The following SLC9B1 variants were observed in gnomAD, a reference collection of about 807,000 sequenced individuals.
SLC9B1 encodes sodium/hydrogen exchanger 9B1.
Under a neutral mutation model 51.7 loss-of-function variants are expected in SLC9B1, and 32 were observed. The ratio of observed to expected loss-of-function variants is 0.62; its 90% CI spans 0.47 to 0.83. The LOEUF is 0.83. SLC9B1 is among the 40% of genes least tolerant of loss of function. SLC9B1 has a pLI of 0.00. For missense variants in SLC9B1, 406 were observed against 613.2 expected (o/e 0.66, Z 3.57); for synonymous variants, 145 against 212.7 (o/e 0.68, Z 2.77).
chr4:103,006,628 C>T (rs1183778005), intron 1 of SLC9B1, among the ~76,000 whole-genome samples: 2 of 152,084 alleles, frequency 1.3e-5, no homozygotes, highest in Non-Finnish European at 2.9e-5. Context: ...GAAGAACTCC[C>T]CAAGTCATTC....
At chr4:102,919,259 C>A (rs979753990) in intron 7 of SLC9B1, among the ~76,000 whole-genome samples, 1 of 152,236 alleles carries the variant, frequency 6.6e-6, no homozygotes. Context: ...TCTTTTCTAT[C>A]ACATCATAAG....
At chr4:102,948,735 G>A (rs1737393416) in intron 4 of SLC9B1, among the ~76,000 whole-genome samples, 2 of 152,228 alleles carry the variant, frequency 1.3e-5, no homozygotes, top group African/African-American at 2.4e-5. Flanking sequence ...AATACCACAT[G>A]TTCTCACTTA....
intron 1 of SLC9B1, among the ~76,000 whole-genome samples, chr4:102,996,945 T>A (rs1238368052): frequency 7.6e-6 from 1 of 131,808 alleles, no homozygotes; most frequent in Non-Finnish European, 1.6e-5. Context: ...AGCCATCATG[T>A]CCAGCAATTT....
chr4:102,972,647 A>G (rs758341122), intron 3 of SLC9B1, among the ~76,000 whole-genome samples: 1 of 152,234 alleles, frequency 6.6e-6, no homozygotes, highest in East Asian at 1.9e-4. Flanking sequence ...GCAAATAAGC[A>G]TGAGGAAACT....
At chr4:102,982,754 C>T (rs1292678168) in intron 3 of SLC9B1, among the ~76,000 whole-genome samples, 1 of 152,042 alleles carries the variant, frequency 6.6e-6, no homozygotes, top group East Asian at 1.9e-4. Context: ...ATCTTACTCA[C>T]TTAGTAGTTG....
rs1473065968 is a variant in SLC9B1, at chr4:102,937,742, A to T, written c.654-5443T>A. 3.3e-5 allele frequency among the ~76,000 whole-genome samples: 5 copies of T among 151,410 alleles called. No individual in the cohort carries two copies. In the East Asian group the frequency reaches 7.8e-4, roughly 24 times the overall value. The stretch of plus-strand genomic sequence containing the variant: ...TGTCGCCAAAAAAAAAAAAAAAAAA[A>T]AAATTCAACCAAGAACTTAATATCC... On this transcript the variant is annotated intron_variant, in intron 6 of 11. Transcript: ENST00000296422.
chr4:102,973,953 A>C (rs1262631586), intron 3 of SLC9B1, among the ~76,000 whole-genome samples: 1 of 152,038 alleles, frequency 6.6e-6, no homozygotes, highest in Admixed American at 6.6e-5. Flanking sequence ...AGAGAAAAAG[A>C]GATTGGGCAT....
intron 3 of SLC9B1, among the ~76,000 whole-genome samples, chr4:102,950,729 C>G (rs943383448): frequency 2.0e-5 from 3 of 152,168 alleles, no homozygotes; most frequent in African/African-American, 7.2e-5. Flanking sequence ...CATGGTGGCT[C>G]ATGCCTGTAA....
chr4:103,006,522 A>G (rs528942898), intron 1 of SLC9B1, among the ~76,000 whole-genome samples: 1 of 152,332 alleles, frequency 6.6e-6, no homozygotes, highest in East Asian at 1.9e-4. Context: ...AACTAGAAAA[A>G]GCCCAGGACC....
chr4:102,918,476 A>G (rs1178436590), intron 7 of SLC9B1, among the ~76,000 whole-genome samples: 1 of 152,234 alleles, frequency 6.6e-6, no homozygotes, highest in East Asian at 1.9e-4. Context: ...CAACTCAATA[A>G]CAAAACAACA....
chr4:102,993,719 T>C (rs1740071697), intron 1 of SLC9B1, among the ~76,000 whole-genome samples: 1 of 152,212 alleles, frequency 6.6e-6, no homozygotes, highest in Non-Finnish European at 1.5e-5. Context: ...TGGAGTAAAC[T>C]TCTGCCTGGA....
At chr4:102,957,260 G>C (rs961383099) in intron 3 of SLC9B1, among the ~76,000 whole-genome samples, 19 of 152,104 alleles carry the variant, frequency 1.2e-4, no homozygotes, top group African/African-American at 4.6e-4. Context: ...AAAAATATTT[G>C]AAAACATAAT....
chr4:102,947,690 A>C (rs531260391), intron 4 of SLC9B1, among the ~76,000 whole-genome samples: 104 of 152,350 alleles, frequency 6.8e-4, no homozygotes, highest in African/African-American at 2.4e-3. Flanking sequence ...GAATACAGTA[A>C]GTTCTCACTT....
chr4:102,966,868 T>C (rs1427895049), intron 3 of SLC9B1, among the ~76,000 whole-genome samples: 45 of 152,228 alleles, frequency 3.0e-4, no homozygotes, highest in Admixed American at 2.9e-3. Context: ...TTGCTTCCCT[T>C]GTCATTTTGC....
At chr4:102,981,100 G>A (rs186733814) in intron 3 of SLC9B1, among the ~76,000 whole-genome samples, 1 of 152,240 alleles carries the variant, frequency 6.6e-6, no homozygotes, top group African/African-American at 2.4e-5. Context: ...CGCACAGAAT[G>A]TAGCTATTTC....
chr4:103,006,135 A>C (rs1740774232), intron 1 of SLC9B1, among the ~76,000 whole-genome samples: 1 of 152,122 alleles, frequency 6.6e-6, no homozygotes, highest in African/African-American at 2.4e-5. Flanking sequence ...GACAAGCAAT[A>C]CAAAAAGATC....
chr4:103,016,404 A>G (rs1365045088), intron 1 of SLC9B1, among the ~76,000 whole-genome samples: 1 of 152,030 alleles, frequency 6.6e-6, no homozygotes, highest in Non-Finnish European at 1.5e-5. Flanking sequence ...GCTCTCTTTC[A>G]TAGTAAAACA....
chr4:102,896,231 C>G (rs1734528330), downstream of SLC9B1, among the ~76,000 whole-genome samples: 1 of 152,174 alleles, frequency 6.6e-6, no homozygotes, highest in Admixed American at 6.5e-5. Context: ...TTGCCCTCCT[C>G]CCCTTCTGAG....
intron 3 of SLC9B1, among the ~76,000 whole-genome samples, chr4:102,955,609 T>C (rs1373122974): frequency 6.6e-6 from 1 of 151,910 alleles, no homozygotes; most frequent in East Asian, 1.9e-4. Context: ...ACAGACAGAA[T>C]TGCAGCTTTG....
Sources: allele counts gnomAD v4.1 joint callset (sites outside exome capture counted in the v4.1 genomes callset), GRCh38; gene constraint gnomAD v4.1.1; transcripts MANE v1.5; gene names NCBI Gene and HGNC (gene_info 2026-07-23, HGNC 2026-07-21).